CHD7: variants seen among roughly 807,000 people sequenced by gnomAD.
The protein encoded by CHD7 is ATP-dependent chromatin remodeler CHD7.
A neutral mutation model predicts 307.3 loss-of-function variants in CHD7; 24 were observed. The ratio of observed to expected loss-of-function variants is 0.08; its 90% confidence interval spans 0.06 to 0.11. The LOEUF (loss-of-function observed/expected upper bound fraction) is 0.11, where lower values mean the gene tolerates loss of function less well. CHD7 is among the 10% of genes least tolerant of loss of function. The pLI is 1.00. For missense variants in CHD7, 3,106 were observed against 3,727.1 expected (o/e 0.83, Z 4.34); for synonymous variants, 1,363 against 1,349.9 (o/e 1.01, Z -0.21).
chr8:60,686,607 A>G (rs995068288), intron 1 of CHD7, among the ~76,000 whole-genome samples: 1 of 152,138 alleles, frequency 6.6e-6, no homozygotes, highest in African/African-American at 2.4e-5. Flanking sequence ...CATGTATTTC[A>G]TCAGGATGAG....
chr8:60,783,809 C>A (rs537669108), intron 3 of CHD7, among the ~76,000 whole-genome samples: 7 of 152,274 alleles, frequency 4.6e-5, no homozygotes, highest in Admixed American at 1.3e-4. Flanking sequence ...GGTGGCACCT[C>A]TGTTGGCCCT....
At chr8:60,704,076 A>G (rs886452620) in intron 1 of CHD7, among the ~76,000 whole-genome samples, 3 of 152,102 alleles carry the variant, frequency 2.0e-5, no homozygotes, top group Admixed American at 1.3e-4. Flanking sequence ...CTTTAAAAAA[A>G]CACTCCTGTT....
intron 15 of CHD7, among the ~76,000 whole-genome samples, chr8:60,832,447 G>A (rs533035238): frequency 2.0e-5 from 3 of 152,262 alleles, no homozygotes; most frequent in African/African-American, 4.8e-5. Flanking sequence ...CAGCCGTTAC[G>A]GTGAGTGTTA....
At chr8:60,714,476 G>A (rs888699419) in intron 1 of CHD7, among the ~76,000 whole-genome samples, 6 of 147,978 alleles carry the variant, frequency 4.1e-5, no homozygotes, top group Admixed American at 1.4e-4. Context: ...GAGCGAAGTG[G>A]GCAGGAGTCA....
chr8:60,705,349 T>C lies in CHD7; in HGVS notation c.-175+26267T>C, dbSNP rs530135036. On this transcript the variant is annotated intron_variant, in intron 1 of 37. Coordinates refer to ENST00000423902, the MANE Select transcript of CHD7 (RefSeq NM_017780.4). ...GGAAATGAAATTACTTGTTTATGTC[T>C]TGCTTCTTTAACCAAAGTATAAATT... 1.5e-4 allele frequency among the ~76,000 whole-genome samples: 23 copies of C among 152,350 alleles called. No homozygotes were observed. In the South Asian group the frequency reaches 4.8e-3, roughly 32 times the overall value.
At chr8:60,801,705 A>T in intron 6 of CHD7, 112 bp downstream of exon 6, 1 of 693,188 alleles carries the variant, frequency 1.4e-6, no homozygotes, top group Non-Finnish European at 2.5e-6. Flanking sequence ...AACTTCCAGT[A>T]ATATTTCTAA....
At chr8:60,833,542 A>G (rs768430642) in intron 15 of CHD7, among the ~76,000 whole-genome samples, 19 of 152,176 alleles carry the variant, frequency 1.2e-4, no homozygotes, top group Admixed American at 5.9e-4. Context: ...CAAGAACAAA[A>G]TATTTTCTTG....
chr8:60,812,345 ATTG>A (rs1343724068), intron 7 of CHD7, among the ~76,000 whole-genome samples: 2 of 151,986 alleles, frequency 1.3e-5, no homozygotes, highest in Admixed American at 6.6e-5. Flanking sequence ...TTCTTTTTCA[ATTG>A]TTGTTCTAGC....
At chr8:60,686,731 C>G (rs144831233) in intron 1 of CHD7, among the ~76,000 whole-genome samples, 8 of 152,186 alleles carry the variant, frequency 5.3e-5, no homozygotes, top group Admixed American at 1.3e-4. Context: ...AGGTTGGACA[C>G]ATCACCTCCT....
chr8:60,681,283 T>C (rs1336193116), intron 1 of CHD7, among the ~76,000 whole-genome samples: 1 of 152,236 alleles, frequency 6.6e-6, no homozygotes, highest in Non-Finnish European at 1.5e-5. Flanking sequence ...TTTTACGAAG[T>C]TGAATCCTTC....
chr8:60,739,315 T>A (rs999213478), intron 1 of CHD7, among the ~76,000 whole-genome samples: 1 of 152,238 alleles, frequency 6.6e-6, no homozygotes, highest in African/African-American at 2.4e-5. Context: ...TTTAAGCTAT[T>A]ATCAAGTCCA....
At chr8:60,837,487 G>A (rs1804790819) in intron 17 of CHD7, among the ~76,000 whole-genome samples, 181 bp from the exon 18 acceptor site, 1 of 152,052 alleles carries the variant, frequency 6.6e-6, no homozygotes, top group Non-Finnish European at 1.5e-5. Flanking sequence ...CAGCTCTCTC[G>A]CCTCTTTATA....
rs1804992522 is a variant in CHD7 at position 60,841,926 on chromosome 8, A to G, written c.4724A>G (p.Glu1575Gly). The G allele has an allele frequency of 3.1e-6, 5 of 1,612,224 alleles. No homozygotes were observed. The East Asian group carries it at 1.1e-4, about 36-fold the overall frequency. The change falls in exon 21 of 38, where the codon GAG (glutamate) becomes GGG (glycine). Residue 1575 changes from glutamate (E) to glycine (G), a missense_variant. By Grantham distance (98) the Glu-to-Gly change is moderately conservative. Coordinates refer to ENST00000423902, the MANE Select transcript of CHD7 (RefSeq NM_017780.4). Reference sequence around the variant, plus strand: ...GCAGTGAAGGAAGATGAGCTGATGGAGTTCTCAGACTTGGAAAGTGATTCT... The same window carrying G: ...GCAGTGAAGGAAGATGAGCTGATGGGGTTCTCAGACTTGGAAAGTGATTCT... ...YSAVKEDELMEFSDLESDSEE... is the reference protein window; with the variant it reads ...YSAVKEDELMGFSDLESDSEE...
intron 19 of CHD7, 85 bp from the exon 20 acceptor site, chr8:60,841,559 G>A (rs537331255): frequency 4.8e-5 from 48 of 1,009,530 alleles, no homozygotes; most frequent in Admixed American, 1.7e-4. Flanking sequence ...GCACAATATC[G>A]GAGCAAATAC....
intron 14 of CHD7, 45 bp from the exon 15 acceptor site, chr8:60,830,277 G>T (rs1222366971): frequency 6.4e-7 from 1 of 1,563,594 alleles, no homozygotes; most frequent in South Asian, 1.2e-5. Context: ...GTTTTAACTT[G>T]CAAGCAAATC....
intron 3 of CHD7, among the ~76,000 whole-genome samples, chr8:60,783,166 T>C (rs1335204445): frequency 3.3e-5 from 5 of 152,232 alleles, no homozygotes; most frequent in Non-Finnish European, 4.4e-5. Flanking sequence ...GATATTGTTA[T>C]GAATTTCCAA....
intron 2 of CHD7, among the ~76,000 whole-genome samples, chr8:60,773,759 A>G (rs1810821234): frequency 6.6e-6 from 1 of 152,140 alleles, no homozygotes; most frequent in African/African-American, 2.4e-5. Flanking sequence ...AGGCCTCGAT[A>G]TTGATTGCAT....
chr8:60,696,943 C>T (rs958782545), intron 1 of CHD7, among the ~76,000 whole-genome samples: 1 of 151,680 alleles, frequency 6.6e-6, no homozygotes, highest in Non-Finnish European at 1.5e-5. Flanking sequence ...GGAACCTCCC[C>T]CACTTTTTTT....
At chr8:60,834,252 G>A (rs925686227) in intron 15 of CHD7, among the ~76,000 whole-genome samples, 1 of 152,014 alleles carries the variant, frequency 6.6e-6, no homozygotes, top group Non-Finnish European at 1.5e-5. Context: ...AAAAATATTC[G>A]TTGGCCATTA....
Sources: gnomAD v4.1 joint callset for allele counts (sites outside exome capture counted in the v4.1 genomes callset) on GRCh38, gnomAD v4.1.1 for gene constraint, MANE v1.5 for transcripts, NCBI Gene and HGNC (gene_info 2026-07-23, HGNC 2026-07-21) for gene names.